Variants in ACTN2 observed in about 807,000 individuals in gnomAD.
The protein encoded by ACTN2 is actinin alpha 2.
In ACTN2, 39 loss-of-function variants were observed where a neutral mutation model predicts 113.8. The observed-to-expected ratio is 0.34, with a 90% CI of 0.27 to 0.45. ACTN2 has a LOEUF of 0.45. Among genes scored for constraint, ACTN2 ranks in the 20% least tolerant of loss-of-function variants. The probability of loss-of-function intolerance (pLI) is 1.00; values close to 1 mark genes in which losing one functional copy is unlikely to be tolerated. For missense variants in ACTN2, 992 were observed against 1,177.9 expected (o/e 0.84, Z 2.31); for synonymous variants, 429 against 444.1 (o/e 0.97, Z 0.43).
chr1:236,731,417 C>G lies in ACTN2; in HGVS notation c.697+103C>G, dbSNP rs184754556. On this transcript the variant is annotated intron_variant, in intron 7 of 20. Coordinates refer to ENST00000366578, the MANE Select transcript of ACTN2 (RefSeq NM_001103.4). ...CAAAATTTTATAGCGAAGTTACATCCGAAGTACTTTGGATTCCTAACAAAT... is the reference window on the plus strand; with the variant it reads ...CAAAATTTTATAGCGAAGTTACATCGGAAGTACTTTGGATTCCTAACAAAT... 2.0e-5 allele frequency: 18 copies of G among 897,020 alleles called. No homozygotes were observed. In the South Asian group the frequency reaches 2.5e-4, roughly 12 times the overall value. The allele number at this position is 897,020 out of a possible 1,614,324, so 55.6% of individuals were successfully genotyped here. A position where few individuals can be genotyped will look rare whatever the true frequency, so the allele number is the denominator to read the frequency against.
In ACTN2 at chr1:236,755,008, G is replaced by GC; in HGVS notation, c.1975-5dup. On this transcript the variant is annotated splice_polypyrimidine_tract_variant and intron_variant, in intron 16 of 20. Transcript: ENST00000366578. ...TGCTTCTCTCTCTGCTTGCTCACTC[G>GC]CCCCCCTCAGGAGATTGCCCGGAGC... 7 of 1,614,018 alleles carry GC rather than the reference G, an allele frequency of 4.3e-6. No individual in the cohort carries two copies. The highest frequency in any genetic ancestry group is 5.9e-6 in the Non-Finnish European group (7 of 1,179,978).
intron 11 of ACTN2, among the ~76,000 whole-genome samples, chr1:236,743,470 G>A (rs1558243354): frequency 6.6e-6 from 1 of 151,980 alleles, no homozygotes; most frequent in African/African-American, 2.4e-5. Context: ...GAGGATGCAA[G>A]ATATCATGTA....
chr1:236,758,340 C>T (rs1659608738), intron 18 of ACTN2, among the ~76,000 whole-genome samples: 1 of 148,372 alleles, frequency 6.7e-6, no homozygotes, highest in Non-Finnish European at 1.5e-5. Context: ...GGCTGGAGTG[C>T]AGTGGCATGA....
At position 236,744,738 on chromosome 1, in the gene ACTN2, C is replaced by A; in HGVS notation, c.1368C>A (p.Asp456Glu). Residue 456 changes from aspartate to glutamate, a missense_variant, in exon 12 of 21, where the codon GAC becomes GAA. Physicochemically the swap from Asp to Glu is conservative, Grantham distance 45. Around this residue, in one of 3 missense-constraint regions of ACTN2, gnomAD observed 736 missense variants for 815.4 expected, o/e 0.90. Transcript: ENST00000366578. Reference protein sequence around the residue: ...AFESDLAAHQDRVEQIAAIAQ... With the variant: ...AFESDLAAHQERVEQIAAIAQ... ...AGAGCGACCTGGCAGCGCACCAGGA[C>A]CGCGTGGAGCAGATCGCAGCCATCG... The A allele has an allele frequency of 1.2e-6, 2 of 1,614,186 alleles. No individual in the cohort carries two copies. Among genetic ancestry groups the A allele is most frequent in the African/African-American group, 2.7e-5 (2 of 75,072 alleles).
intron 15 of ACTN2, 26 bp from the exon 16 acceptor site, chr1:236,753,921 C>T (rs772715503): frequency 1.4e-6 from 2 of 1,384,888 alleles, no homozygotes; most frequent in Admixed American, 3.8e-5. Context: ...TGGCCTCTAA[C>T]CCTTGTTGTC....
At chr1:236,760,489 C>T (rs1572151502) in intron 19 of ACTN2, among the ~76,000 whole-genome samples, 1 of 152,146 alleles carries the variant, frequency 6.6e-6, no homozygotes, top group Admixed American at 6.5e-5. Context: ...AAGGTTTAGT[C>T]GTAAATCAGC....
chr1:236,757,660 A>C, intron 18 of ACTN2, 28 bp downstream of exon 18: 1 of 1,613,704 alleles, frequency 6.2e-7, no homozygotes, highest in Non-Finnish European at 8.5e-7. Flanking sequence ...TTTGAAGGGC[A>C]ATACTGGGGA....
intron 1 of ACTN2, among the ~76,000 whole-genome samples, chr1:236,716,926 CT>C (rs1467009113): frequency 1.3e-5 from 2 of 151,350 alleles, no homozygotes; most frequent in South Asian, 4.2e-4. Flanking sequence ...CCTCCGCCTC[CT>C]GGTTTCAAGC....
rs564292279 is a variant in ACTN2 at position 236,704,289 on chromosome 1, A to C, written c.127-13569A>C. 3.3e-5 allele frequency among the ~76,000 whole-genome samples: 5 copies of C among 152,344 alleles called. No individual in the cohort carries two copies. In the South Asian group the frequency reaches 1.0e-3, roughly 32 times the overall value. On this transcript the variant is annotated intron_variant, in intron 1 of 20. Coordinates refer to ENST00000366578, the MANE Select transcript of ACTN2 (RefSeq NM_001103.4). ...AAACTGTGTTTTCTCTTCTCACACC[A>C]CAACAGTCAACCCAGAAGACTTCTG...
intron 1 of ACTN2, among the ~76,000 whole-genome samples, chr1:236,687,113 G>C (rs901173703): frequency 2.6e-5 from 4 of 152,100 alleles, no homozygotes; most frequent in Non-Finnish European, 5.9e-5. Flanking sequence ...CCTTGAGTCT[G>C]TGACCTTGGC....
chr1:236,745,737 A>G (rs937263882), intron 12 of ACTN2, among the ~76,000 whole-genome samples: 6 of 152,214 alleles, frequency 3.9e-5, no homozygotes, highest in African/African-American at 1.2e-4. Context: ...AATAAAGACA[A>G]CATTTTATTT....
intron 1 of ACTN2, among the ~76,000 whole-genome samples, chr1:236,706,963 G>A (rs114325524): frequency 0.011 from 1,722 of 152,328 alleles, 18 homozygotes; most frequent in Non-Finnish European, 0.017. Flanking sequence ...ATGCAGACAT[G>A]TAACAGCCTG....
At chr1:236,742,311 C>A (rs535279338) in intron 10 of ACTN2, among the ~76,000 whole-genome samples, 1 of 151,970 alleles carries the variant, frequency 6.6e-6, no homozygotes, top group Non-Finnish European at 1.5e-5. Context: ...GTTGTTTACC[C>A]TTACAGAGTT....
chr1:236,719,977 A>G (rs941351252), intron 3 of ACTN2, 128 bp from the exon 4 acceptor site: 1 of 705,422 alleles, frequency 1.4e-6, no homozygotes, highest in Non-Finnish European at 2.6e-6. Context: ...GCTTATAAAA[A>G]CATAAACTGG....
chr1:236,744,718 G>A lies in ACTN2; in HGVS notation c.1348G>A (p.Asp450Asn), dbSNP rs774252565. ...GCGGAAGCACGAGGCGTTCGAGAGC[G>A]ACCTGGCAGCGCACCAGGACCGCGT... The part of the protein sequence containing the change: ...LLRKHEAFES[D>N]LAAHQDRVEQ... The change falls in exon 12 of 21, where the codon GAC becomes AAC. Residue 450 changes from aspartate (D) to asparagine (N), a missense_variant. Asp to Asn is a conservative substitution (Grantham distance 23, BLOSUM62 1). Transcript: ENST00000366578. 5.0e-6 allele frequency: 8 copies of A among 1,614,066 alleles called. No individual in the cohort carries two copies. The highest frequency in any genetic ancestry group is 2.7e-5 in the African/African-American group (2 of 74,940).
At chr1:236,688,113 G>A (rs1367208902) in intron 1 of ACTN2, among the ~76,000 whole-genome samples, 2 of 152,122 alleles carry the variant, frequency 1.3e-5, no homozygotes. Context: ...TTACTAATGT[G>A]TCATCTGGAC....
chr1:236,712,963 C>A (rs1159217162), intron 1 of ACTN2, among the ~76,000 whole-genome samples: 1 of 150,810 alleles, frequency 6.6e-6, no homozygotes. Flanking sequence ...TGTGCCTTTC[C>A]CAAAAACTCA....
chr1:236,716,437 G>A (rs78688460), intron 1 of ACTN2, among the ~76,000 whole-genome samples: 12,673 of 151,988 alleles, frequency 0.083, 967 homozygotes, highest in East Asian at 0.2. Context: ...CAGGAAATAG[G>A]GCACAAGTGG....
chr1:236,753,398 T>A (rs1659459277), intron 15 of ACTN2, among the ~76,000 whole-genome samples: 1 of 152,202 alleles, frequency 6.6e-6, no homozygotes, highest in Non-Finnish European at 1.5e-5. Context: ...TGATATTTGT[T>A]GCAAGAGGCA....
Sources: gnomAD v4.1 joint callset for allele counts (sites outside exome capture counted in the v4.1 genomes callset) on GRCh38, gnomAD v4.1.1 for gene constraint, gnomAD v4.1.1 regional missense constraint, MANE v1.5 for transcripts, NCBI Gene and HGNC (gene_info 2026-07-23, HGNC 2026-07-21) for gene names.